ERC2: variants seen among roughly 807,000 people sequenced by gnomAD.
The protein encoded by ERC2 is ELKS/RAB6-interacting/CAST family member 2.
Under a neutral mutation model 114.8 loss-of-function variants are expected in ERC2, and 42 were observed. That is an observed-to-expected ratio of 0.37 (90% CI 0.29 to 0.47). The LOEUF (loss-of-function observed/expected upper bound fraction) is 0.47. ERC2 is among the 20% of genes least tolerant of loss of function. ERC2 has a pLI of 0.99. For missense variants in ERC2, 939 were observed against 1,150.7 expected (o/e 0.82, Z 2.66); for synonymous variants, 454 against 425.5 (o/e 1.07, Z -0.82).
intron 6 of ERC2, among the ~76,000 whole-genome samples, chr3:56,132,848 T>C (rs1350852818): frequency 2.0e-5 from 3 of 152,228 alleles, no homozygotes; most frequent in Non-Finnish European, 4.4e-5. Flanking sequence ...TCTTTAAACA[T>C]ATTTAAGGAA....
At chr3:55,648,928 C>CT (rs2060500357) in intron 17 of ERC2, among the ~76,000 whole-genome samples, 1 of 152,126 alleles carries the variant, frequency 6.6e-6, no homozygotes, top group African/African-American at 2.4e-5. Flanking sequence ...GGAGGGGACA[C>CT]ACACCACGGA....
At chr3:55,851,954 G>A (rs1428543353) in intron 14 of ERC2, among the ~76,000 whole-genome samples, 3 of 152,184 alleles carry the variant, frequency 2.0e-5, no homozygotes, top group Non-Finnish European at 4.4e-5. Context: ...CGGGTACAGC[G>A]GCTCACGCCT....
intron 3 of ERC2, among the ~76,000 whole-genome samples, chr3:56,202,179 A>G (rs980192458): frequency 6.6e-6 from 1 of 152,150 alleles, no homozygotes; most frequent in Admixed American, 6.5e-5. Context: ...GAACATCCCC[A>G]GGTAAAAACC....
intron 14 of ERC2, among the ~76,000 whole-genome samples, chr3:55,803,098 A>T (rs1408725577): frequency 6.6e-6 from 1 of 152,210 alleles, no homozygotes; most frequent in East Asian, 1.9e-4. Context: ...TGATAAGGTC[A>T]TGCTTGGCTT....
chr3:55,862,629 G>C lies in ERC2; in HGVS notation c.2564+25760C>G, dbSNP rs539314987. On this transcript the variant is annotated intron_variant, in intron 14 of 17. Coordinates refer to ENST00000288221, the MANE Select transcript of ERC2 (RefSeq NM_015576.3). ...TACATTCTTAGCTGATATCTACCCTGATTTCTCTTTGGCCTAGAAGAAGCT... is the reference window on the plus strand; with the variant it reads ...TACATTCTTAGCTGATATCTACCCTCATTTCTCTTTGGCCTAGAAGAAGCT... 2.6e-5 allele frequency among the ~76,000 whole-genome samples: 4 copies of C among 152,288 alleles called. No individual in the cohort carries two copies. The East Asian group carries it at 5.8e-4, about 22-fold the overall frequency.
chr3:55,690,621 C>G (rs1354630015), intron 16 of ERC2, among the ~76,000 whole-genome samples: 1 of 151,924 alleles, frequency 6.6e-6, no homozygotes, highest in African/African-American at 2.4e-5. Flanking sequence ...GGTGTAAAAC[C>G]TAGACAAATC....
intron 17 of ERC2, among the ~76,000 whole-genome samples, chr3:55,601,220 G>A (rs2058387914): frequency 6.6e-6 from 1 of 152,108 alleles, no homozygotes; most frequent in South Asian, 2.1e-4. Context: ...AGCCAGAATC[G>A]TATATTATAT....
At chr3:55,615,218 C>T (rs1261988076) in intron 17 of ERC2, among the ~76,000 whole-genome samples, 5 of 152,184 alleles carry the variant, frequency 3.3e-5, no homozygotes, top group African/African-American at 7.2e-5. Context: ...AAGTACTGTT[C>T]TACACTTTGT....
At chr3:55,521,871 G>C (rs1039892457) in intron 17 of ERC2, among the ~76,000 whole-genome samples, 3 of 152,204 alleles carry the variant, frequency 2.0e-5, no homozygotes, top group African/African-American at 7.2e-5. Context: ...GTCGGTTGTG[G>C]TCACTAAACC....
At chr3:55,848,532 G>A (rs978949422) in intron 14 of ERC2, among the ~76,000 whole-genome samples, 2 of 152,046 alleles carry the variant, frequency 1.3e-5, no homozygotes, top group Non-Finnish European at 2.9e-5. Context: ...CAACTTGCTG[G>A]CCCATACTGG....
At chr3:55,919,636 A>G (rs1296213236) in intron 13 of ERC2, among the ~76,000 whole-genome samples, 1 of 152,166 alleles carries the variant, frequency 6.6e-6, no homozygotes, top group East Asian at 1.9e-4. Flanking sequence ...GCCAAAACAG[A>G]AGAAAATAAG....
At chr3:56,357,218 T>C (rs1274413811) in intron 2 of ERC2, among the ~76,000 whole-genome samples, 2 of 152,222 alleles carry the variant, frequency 1.3e-5, no homozygotes, top group African/African-American at 4.8e-5. Context: ...CTCACCCCAG[T>C]GCACACAGCT....
intron 17 of ERC2, among the ~76,000 whole-genome samples, chr3:55,675,745 T>A (rs1021005297): frequency 6.6e-6 from 1 of 152,114 alleles, no homozygotes; most frequent in African/African-American, 2.4e-5. Flanking sequence ...CACATTTGCA[T>A]GTTCTAGAGC....
intron 3 of ERC2, among the ~76,000 whole-genome samples, chr3:56,212,898 G>A (rs1013810257): frequency 3.9e-5 from 6 of 152,162 alleles, no homozygotes; most frequent in African/African-American, 1.4e-4. Context: ...TGGAACTGGA[G>A]ACCATTATTC....
At chr3:55,644,331 TAAAG>T (rs1333871998) in intron 17 of ERC2, among the ~76,000 whole-genome samples, 2 of 152,296 alleles carry the variant, frequency 1.3e-5, no homozygotes, top group South Asian at 4.2e-4. Context: ...TCTATGGGAA[TAAAG>T]AAAGACTTTG....
intron 2 of ERC2, among the ~76,000 whole-genome samples, chr3:56,401,629 TGCA>T (rs1276800940): frequency 6.6e-6 from 1 of 152,212 alleles, no homozygotes; most frequent in Non-Finnish European, 1.5e-5. Flanking sequence ...CCATTTATTC[TGCA>T]GAATTTATTC....
intron 14 of ERC2, among the ~76,000 whole-genome samples, chr3:55,873,634 C>T (rs1345554428): frequency 6.6e-6 from 1 of 152,200 alleles, no homozygotes; most frequent in Non-Finnish European, 1.5e-5. Context: ...CAGCCTCAAC[C>T]AATCTAGTTT....
intron 4 of ERC2, among the ~76,000 whole-genome samples, chr3:56,156,962 TGCTATGTA>T: frequency 6.8e-6 from 1 of 147,734 alleles, no homozygotes; most frequent in Admixed American, 6.6e-5. Context: ...AAACAATAGC[TGCTATGTA>T]TTGATTACCT....
At chr3:56,045,703 A>C (rs745809787) in intron 7 of ERC2, among the ~76,000 whole-genome samples, 18 of 152,212 alleles carry the variant, frequency 1.2e-4, no homozygotes, top group Non-Finnish European at 2.1e-4. Context: ...GGTTAAGGTC[A>C]AAAATTCCTC....
Sources: gnomAD v4.1 joint callset for allele counts (sites outside exome capture counted in the v4.1 genomes callset) on GRCh38, gnomAD v4.1.1 for gene constraint, MANE v1.5 for transcripts, NCBI Gene and HGNC (gene_info 2026-07-23, HGNC 2026-07-21) for gene names.